Variants in XIRP2 observed in about 807,000 individuals in gnomAD.
XIRP2 encodes the protein xin actin-binding repeat-containing protein 2.
In XIRP2, 236 loss-of-function variants were observed where a neutral mutation model predicts 277.0. The observed-to-expected ratio is 0.85, with a 90% confidence interval of 0.77 to 0.95. XIRP2 has a LOEUF of 0.95. Ranked by LOEUF, XIRP2 falls within the 40% of genes least tolerant of loss-of-function variation. The pLI, the probability that XIRP2 is intolerant of heterozygous loss-of-function variation, is 0.00. For synonymous variants in XIRP2, 1,490 were observed against 1,416.5 expected (o/e 1.05, Z -1.17); for missense variants, 4,640 against 4,157.5 (o/e 1.12, Z -3.19).
At chr2:167,081,542 T>C (rs955450724) in intron 2 of XIRP2, among the ~76,000 whole-genome samples, 3 of 152,024 alleles carry the variant, frequency 2.0e-5, no homozygotes, top group Non-Finnish European at 4.4e-5. Flanking sequence ...TTGTCTTCTG[T>C]TTGTAAAATA....
In XIRP2 at chr2:167,249,803, A is replaced by C; in HGVS notation, c.8411A>C (p.Gln2804Pro). The C allele has an allele frequency of 6.2e-7, 1 of 1,613,512 alleles. No individual in the cohort carries two copies. The highest frequency in any genetic ancestry group is 8.5e-7 in the Non-Finnish European group (1 of 1,179,758). Residue 2804 changes from glutamine (Q) to proline (P), a missense_variant, in exon 9 of 11, where the codon CAA (glutamine) becomes CCA (proline). By Grantham distance (76) the Gln-to-Pro change is moderately conservative. Transcript: ENST00000409195. ...AAGCTCAAGATGGTTCCCAGGAAGC[A>C]AAGAGAATTTAGCGGATCTGACAGA... ...EDKLKMVPRKQREFSGSDRGK... is the reference protein window; with the variant it reads ...EDKLKMVPRKPREFSGSDRGK...
chr2:166,970,426 T>C (rs184848809), intron 2 of XIRP2, among the ~76,000 whole-genome samples: 11 of 152,140 alleles, frequency 7.2e-5, no homozygotes, highest in African/African-American at 2.2e-4. Flanking sequence ...TATTTTGCTT[T>C]TCCCAGTTGA....
chr2:166,905,768 G>A (rs1005316797), intron 2 of XIRP2, among the ~76,000 whole-genome samples: 3 of 151,820 alleles, frequency 2.0e-5, no homozygotes, highest in Non-Finnish European at 4.4e-5. Context: ...CAAAGGGGAC[G>A]AGGAGAAAAA....
rs547814555 is a variant in XIRP2 at position 167,158,592 on chromosome 2, A to G, written c.562+22530A>G. On this transcript the variant is annotated intron_variant, in intron 3 of 10. Transcript: ENST00000409195. ...ACTTACATTTCTACTGTGCTTTCAC[A>G]GTATATAAAGCATTTTTACAAACAT... is the stretch of plus-strand genomic sequence containing the variant. 3.9e-3 allele frequency among the ~76,000 whole-genome samples: 594 copies of G among 152,336 alleles called. 3 individuals are homozygous for G. Among genetic ancestry groups the G allele is most frequent in the Admixed American group, 4.9e-3 (75 of 15,308 alleles).
intron 2 of XIRP2, among the ~76,000 whole-genome samples, chr2:167,115,302 T>C (rs550206879): frequency 6.6e-6 from 1 of 152,212 alleles, no homozygotes; most frequent in African/African-American, 2.4e-5. Context: ...TTTTGATGAA[T>C]GTCCTTCTGA....
chr2:166,968,329 A>G (rs1162193487), intron 2 of XIRP2, among the ~76,000 whole-genome samples: 1 of 151,928 alleles, frequency 6.6e-6, no homozygotes, highest in Non-Finnish European at 1.5e-5. Context: ...ATCTATACAA[A>G]AAGGCACTTA....
chr2:167,223,668 A>G (rs1694499479), intron 5 of XIRP2, among the ~76,000 whole-genome samples: 1 of 152,190 alleles, frequency 6.6e-6, no homozygotes, highest in African/African-American at 2.4e-5. Context: ...AAACCTGCCT[A>G]TAGCTCCCTG....
chr2:166,998,861 C>T (rs747214252), intron 2 of XIRP2, among the ~76,000 whole-genome samples: 2 of 152,158 alleles, frequency 1.3e-5, no homozygotes, highest in Non-Finnish European at 2.9e-5. Flanking sequence ...CCTGAGGTCT[C>T]ATGCTGCCTG....
At chr2:167,195,904 C>A (rs1357931825) in intron 3 of XIRP2, among the ~76,000 whole-genome samples, 1 of 152,158 alleles carries the variant, frequency 6.6e-6, no homozygotes, top group African/African-American at 2.4e-5. Context: ...ACCTAATGCC[C>A]ACTCAGCCTG....
At chr2:167,092,470 C>G (rs188027958) in intron 2 of XIRP2, among the ~76,000 whole-genome samples, 2 of 152,160 alleles carry the variant, frequency 1.3e-5, no homozygotes, top group African/African-American at 4.8e-5. Context: ...TAAAAGCCAT[C>G]CCACCAACTA....
intron 2 of XIRP2, among the ~76,000 whole-genome samples, chr2:167,055,943 C>T (rs1303786902): frequency 6.6e-6 from 1 of 152,022 alleles, no homozygotes; most frequent in African/African-American, 2.4e-5. Flanking sequence ...CAAACAAAAC[C>T]TAATTTTATA....
At position 167,245,476 on chromosome 2, in the gene XIRP2, A is replaced by G; in HGVS notation, c.4084A>G (p.Ile1362Val). The G allele has an allele frequency of 6.2e-7, 1 of 1,613,622 alleles. No individual in the cohort carries two copies. The highest frequency in any genetic ancestry group is 8.5e-7 in the Non-Finnish European group (1 of 1,179,724). ...TTTTGAAACAAAGCCATTAGACTCTATTAATAAATCAGAAACTGTGTATGT... is the reference window on the plus strand; with the variant it reads ...TTTTGAAACAAAGCCATTAGACTCTGTTAATAAATCAGAAACTGTGTATGT... ...WLFETKPLDS[I>V]NKSETVYVIK... is the part of the protein sequence containing the mutation. The change falls in exon 9 of 11, where the codon ATT (isoleucine) becomes GTT (valine). Residue 1362 changes from isoleucine to valine, a missense_variant. Ile to Val is a conservative substitution (Grantham distance 29). Coordinates refer to ENST00000409195, the MANE Select transcript of XIRP2 (RefSeq NM_152381.6).
At chr2:167,183,473 A>T (rs1041820168) in intron 3 of XIRP2, among the ~76,000 whole-genome samples, 14 of 152,202 alleles carry the variant, frequency 9.2e-5, no homozygotes, top group Non-Finnish European at 2.1e-4. Context: ...TCTATTGTTT[A>T]TCCATTTGTC....
chr2:167,197,824 C>A (rs1398588776), intron 3 of XIRP2, among the ~76,000 whole-genome samples: 2 of 152,050 alleles, frequency 1.3e-5, no homozygotes, highest in Non-Finnish European at 2.9e-5. Context: ...GTTTAAATAC[C>A]ATTGGTGTAG....
At chr2:167,028,978 G>A (rs918914076) in intron 2 of XIRP2, among the ~76,000 whole-genome samples, 2 of 151,686 alleles carry the variant, frequency 1.3e-5, no homozygotes, top group East Asian at 1.9e-4. Flanking sequence ...AGAAGAATTA[G>A]TGAGCTTAAA....
Position 167,250,008 on chromosome 2 carries a change from A to G in XIRP2, c.8616A>G (p.Thr2872=). The change falls in exon 9 of 11, where the codon ACA becomes ACG. Residue 2872 remains threonine, a synonymous_variant. Transcript: ENST00000409195. The part of the protein sequence containing the change: ...LDSQTQNFQQ[T]QIQTAESKAE... ...CACAGACTCAGAATTTTCAGCAAAC[A>G]CAAATACAGACCGCTGAAAGTAAAG... is the stretch of plus-strand genomic sequence containing the variant. 1 of 1,613,672 alleles carries G rather than the reference A, an allele frequency of 6.2e-7. No homozygotes were observed. The highest frequency in any genetic ancestry group is 8.5e-7 in the Non-Finnish European group (1 of 1,179,710).
intron 2 of XIRP2, among the ~76,000 whole-genome samples, chr2:167,061,569 T>C (rs1689175037): frequency 6.6e-6 from 1 of 152,110 alleles, no homozygotes; most frequent in Admixed American, 6.6e-5. Flanking sequence ...CCAGTATCCG[T>C]GGATATGACT....
chr2:167,240,561 A>C, intron 6 of XIRP2, 103 bp from the exon 7 acceptor site: 1 of 959,308 alleles, frequency 1.0e-6, no homozygotes, highest in Non-Finnish European at 1.7e-6. Flanking sequence ...ATGTACACTA[A>C]AGTCTTGGGT....
intron 3 of XIRP2, among the ~76,000 whole-genome samples, chr2:167,192,146 A>G (rs921862912): frequency 6.6e-6 from 1 of 152,196 alleles, no homozygotes. Flanking sequence ...CTGAATATCA[A>G]ATAATTTTTG....
Sources: allele counts gnomAD v4.1 joint callset (sites outside exome capture counted in the v4.1 genomes callset), GRCh38; gene constraint gnomAD v4.1.1; transcripts MANE v1.5; gene names NCBI Gene and HGNC (gene_info 2026-07-23, HGNC 2026-07-21).